The following HTR1F variants were observed in gnomAD, a reference collection of about 807,000 sequenced individuals.
HTR1F encodes 5-hydroxytryptamine (serotonin) receptor 1F, G protein-coupled.
In HTR1F, 17 loss-of-function variants were observed where a neutral mutation model predicts 24.0. The ratio of observed to expected loss-of-function variants is 0.71; its 90% CI spans 0.48 to 1.06. HTR1F has a LOEUF of 1.06. Ranked by LOEUF, HTR1F falls within the 50% of genes least tolerant of loss-of-function variation. HTR1F has a pLI of 0.00. For synonymous variants in HTR1F, 186 were observed against 156.8 expected (o/e 1.19, Z -1.39); for missense variants, 391 against 427.8 (o/e 0.91, Z 0.76).
chr3:87,847,654 T>C (rs1378598295), intron 2 of HTR1F, among the ~76,000 whole-genome samples: 1 of 151,858 alleles, frequency 6.6e-6, no homozygotes, highest in African/African-American at 2.4e-5. Flanking sequence ...TCTAATGATA[T>C]CTTTATGCCT....
rs756278839 is a variant in HTR1F, at chr3:87,991,502, A to G, written c.753A>G (p.Leu251=). 6.2e-7 allele frequency: 1 copy of G among 1,614,096 alleles called. No homozygotes were observed. The highest frequency in any genetic ancestry group is 2.2e-5 in the East Asian group (1 of 44,878). ...VSTSYVLEKS[L]SDPSTDFDKI... The stretch of plus-strand genomic sequence containing the variant: ...CATCCTATGTACTAGAAAAGTCTTT[A>G]TCTGACCCATCAACAGACTTTGATA... Residue 251 remains leucine, a synonymous_variant, in exon 3 of 3, where the codon TTA becomes TTG. Coordinates refer to ENST00000319595, the MANE Select transcript of HTR1F (RefSeq NM_001322209.2).
chr3:87,968,502 G>A (rs150261093), intron 2 of HTR1F, among the ~76,000 whole-genome samples: 25 of 152,148 alleles, frequency 1.6e-4, no homozygotes, highest in Admixed American at 2.6e-4. Context: ...ATGAACCACC[G>A]CACCTGGCCA....
At chr3:87,822,323 A>T (rs1051296524) in intron 2 of HTR1F, among the ~76,000 whole-genome samples, 199 bp downstream of exon 2, 1 of 152,174 alleles carries the variant, frequency 6.6e-6, no homozygotes, top group Non-Finnish European at 1.5e-5. Context: ...GAAAGGAAGG[A>T]TGGGTCCAGG....
At chr3:87,800,012 G>A (rs886690357) in intron 1 of HTR1F, among the ~76,000 whole-genome samples, 2 of 152,100 alleles carry the variant, frequency 1.3e-5, no homozygotes, top group African/African-American at 4.8e-5. Flanking sequence ...TGGGTCTCTC[G>A]AATATACTAT....
chr3:87,900,364 G>A (rs1003190821), intron 2 of HTR1F, among the ~76,000 whole-genome samples: 1 of 152,204 alleles, frequency 6.6e-6, no homozygotes, highest in Non-Finnish European at 1.5e-5. Context: ...GGCCCATGTA[G>A]CTGGAGCTGA....
At chr3:87,959,566 A>T (rs1164990548) in intron 2 of HTR1F, among the ~76,000 whole-genome samples, 1 of 151,998 alleles carries the variant, frequency 6.6e-6, no homozygotes, top group African/African-American at 2.4e-5. Flanking sequence ...AGTTACATCA[A>T]GAAAGTGGTA....
Position 87,962,333 on chromosome 3 carries a change from A to G in HTR1F, c.-42-28375A>G, listed in dbSNP as rs1385235425. Among the ~76,000 whole-genome samples the G allele has an allele frequency of 3.3e-5, 5 of 152,132 alleles. No individual in the cohort carries two copies. The East Asian group carries it at 9.6e-4, about 29-fold the overall frequency. On this transcript the variant is annotated intron_variant, in intron 2 of 2. Transcript: ENST00000319595. ...GAAATAAAGATTGACAGTGTGAAAA[A>G]TAGGTACAAAAGCTATTTCAAACTG... is the stretch of plus-strand genomic sequence containing the variant.
At chr3:87,964,323 C>T (rs1411333800) in intron 2 of HTR1F, among the ~76,000 whole-genome samples, 2 of 152,104 alleles carry the variant, frequency 1.3e-5, no homozygotes, top group African/African-American at 4.8e-5. Context: ...TTTATTTACC[C>T]ATAAGCATAC....
At chr3:87,807,679 G>A (rs1376747345) in intron 1 of HTR1F, among the ~76,000 whole-genome samples, 1 of 151,936 alleles carries the variant, frequency 6.6e-6, no homozygotes, top group East Asian at 1.9e-4. Flanking sequence ...GGGGAAAGTT[G>A]TCATCCTCAT....
intron 2 of HTR1F, among the ~76,000 whole-genome samples, chr3:87,858,559 G>C (rs1487134825): frequency 2.0e-5 from 3 of 151,980 alleles, no homozygotes; most frequent in Non-Finnish European, 4.4e-5. Context: ...TATATTTTGG[G>C]GGACTAAAGT....
Position 87,899,773 on chromosome 3 carries a change from G to A in HTR1F, c.-43+77649G>A, listed in dbSNP as rs145269924. 6.9e-3 allele frequency among the ~76,000 whole-genome samples: 1,045 copies of A among 152,266 alleles called. 6 individuals are homozygous for A. The highest frequency in any genetic ancestry group is 0.011 in the Non-Finnish European group (760 of 68,008). On this transcript the variant is annotated intron_variant, in intron 2 of 2. Coordinates refer to ENST00000319595, the MANE Select transcript of HTR1F (RefSeq NM_001322209.2). ...CCAGCTACTCGGGAGGCTGAGGCAG[G>A]AGAATCGCTTGAACCAGAGATGGAG...
intron 2 of HTR1F, among the ~76,000 whole-genome samples, chr3:87,939,201 C>A (rs919626618): frequency 6.6e-6 from 1 of 152,176 alleles, no homozygotes; most frequent in Non-Finnish European, 1.5e-5. Context: ...TTTGAACCAG[C>A]CTTGCATCAT....
chr3:87,963,577 C>A (rs1705106856), intron 2 of HTR1F, among the ~76,000 whole-genome samples: 1 of 152,122 alleles, frequency 6.6e-6, no homozygotes, highest in Non-Finnish European at 1.5e-5. Flanking sequence ...AACGTGGCAA[C>A]CTCCAGATTC....
chr3:87,932,308 T>C (rs1454264733), intron 2 of HTR1F, among the ~76,000 whole-genome samples: 1 of 152,180 alleles, frequency 6.6e-6, no homozygotes, highest in Admixed American at 6.5e-5. Context: ...GGGAATCCTT[T>C]CCCTATTTCT....
chr3:87,869,418 TA>T (rs1211630881), intron 2 of HTR1F, among the ~76,000 whole-genome samples: 1 of 141,060 alleles, frequency 7.1e-6, no homozygotes, highest in South Asian at 2.2e-4. Flanking sequence ...GATAGATAGA[TA>T]GATAGATAGA....
chr3:87,850,806 G>C (rs1705068611), intron 2 of HTR1F, among the ~76,000 whole-genome samples: 1 of 150,248 alleles, frequency 6.7e-6, no homozygotes, highest in African/African-American at 2.5e-5. Context: ...ATTGTATTTA[G>C]GAACAACAAC....
At chr3:87,950,561 A>G (rs1403611651) in intron 2 of HTR1F, among the ~76,000 whole-genome samples, 1 of 90,794 alleles carries the variant, frequency 1.1e-5, no homozygotes, top group African/African-American at 6.9e-5. Flanking sequence ...GTGTCAACTT[A>G]AAAAAAAAAA....
At chr3:87,937,357 T>G (rs552840463) in intron 2 of HTR1F, among the ~76,000 whole-genome samples, 5 of 151,334 alleles carry the variant, frequency 3.3e-5, no homozygotes, top group African/African-American at 1.2e-4. Flanking sequence ...TAAACAGAAC[T>G]AAAAACAAAA....
rs1705845747 is a variant in HTR1F, at chr3:87,991,912, G to A, written c.*62G>A. The A allele has an allele frequency of 7.3e-7, 1 of 1,371,896 alleles. No homozygotes were observed. The highest frequency in any genetic ancestry group is 1.5e-5 in the South Asian group (1 of 65,550). 85.0% of individuals were successfully genotyped at this position (1,371,896 alleles called of 1,614,324 possible). A position where few individuals can be genotyped will look rare whatever the true frequency, so the allele number is the denominator to read the frequency against. On this transcript the variant is annotated 3_prime_UTR_variant, in exon 3 of 3. Coordinates refer to ENST00000319595, the MANE Select transcript of HTR1F (RefSeq NM_001322209.2). ...TGAGGGGAGGAATAACTAGATGAAT[G>A]CCAAATAATAAAACACTTAAGCTTT... is the stretch of plus-strand genomic sequence containing the variant.
Sources: allele counts gnomAD v4.1 joint callset (sites outside exome capture counted in the v4.1 genomes callset), GRCh38; gene constraint gnomAD v4.1.1; transcripts MANE v1.5; gene names NCBI Gene and HGNC (gene_info 2026-07-23, HGNC 2026-07-21).